CENPP: variants seen among roughly 807,000 people sequenced by gnomAD.
The protein encoded by CENPP is centromere protein P.
A neutral mutation model predicts 35.6 loss-of-function variants in CENPP; 24 were observed. The observed-to-expected ratio is 0.67, with a 90% CI of 0.49 to 0.95. The LOEUF is 0.95. Ranked by LOEUF, CENPP falls within the 40% of genes least tolerant of loss-of-function variation. CENPP has a pLI of 0.00. For synonymous variants in CENPP, 120 were observed against 125.5 expected (o/e 0.96, Z 0.29); for missense variants, 332 against 345.3 (o/e 0.96, Z 0.31).
chr9:92,451,110 AT>A (rs1437050427), intron 5 of CENPP, among the ~76,000 whole-genome samples: 3 of 148,306 alleles, frequency 2.0e-5, no homozygotes, highest in African/African-American at 7.5e-5. Flanking sequence ...ATTAGATCCC[AT>A]TTGTCAATTT....
intron 5 of CENPP, chr9:92,536,686 G>A (rs777040195): frequency 6.6e-6 from 1 of 152,114 alleles, no homozygotes; most frequent in Non-Finnish European, 1.5e-5. Flanking sequence ...AGGATTCCAA[G>A]CGCAACCCTG....
chr9:92,416,070 ATT>A (rs72121352), intron 5 of CENPP, among the ~76,000 whole-genome samples: 51,407 of 130,460 alleles, frequency 0.39, 11,748 homozygotes, highest in East Asian at 0.78. Flanking sequence ...ATATATATAT[ATT>A]TATTTATTTA....
At chr9:92,334,500 G>T (rs536063040) in intron 2 of CENPP, among the ~76,000 whole-genome samples, 89 of 152,230 alleles carry the variant, frequency 5.8e-4, no homozygotes, top group African/African-American at 2.1e-3. Context: ...ATGTAGATGG[G>T]CTTGATGTAT....
At chr9:92,431,865 G>A (rs1844117930) in intron 5 of CENPP, among the ~76,000 whole-genome samples, 1 of 152,104 alleles carries the variant, frequency 6.6e-6, no homozygotes, top group South Asian at 2.1e-4. Flanking sequence ...TAGCCACCAT[G>A]CCTGGCCTTT....
rs534185028 is a variant in CENPP at position 92,486,635 on chromosome 9, T to C, written c.564+106776T>C. On this transcript the variant is annotated intron_variant, in intron 5 of 7. Coordinates refer to ENST00000375587, the MANE Select transcript of CENPP (RefSeq NM_001012267.3). The stretch of plus-strand genomic sequence containing the variant: ...GCAGGGACTGGCTTCTGCTGTGTCA[T>C]GTGGCTGAGCTCACTCTGTCATCCT... 2.0e-5 allele frequency among the ~76,000 whole-genome samples: 3 copies of C among 152,344 alleles called. No individual in the cohort carries two copies. In the East Asian group the frequency reaches 5.8e-4, roughly 29 times the overall value.
intron 5 of CENPP, among the ~76,000 whole-genome samples, chr9:92,576,514 T>A (rs886404123): frequency 6.6e-6 from 1 of 152,200 alleles, no homozygotes; most frequent in Non-Finnish European, 1.5e-5. Context: ...GTTATCTGTA[T>A]TTTACAACAA....
At chr9:92,481,577 A>G (rs1337035531) in intron 5 of CENPP, among the ~76,000 whole-genome samples, 3 of 152,222 alleles carry the variant, frequency 2.0e-5, no homozygotes, top group African/African-American at 7.2e-5. Context: ...TTAATCTAAA[A>G]TTTAATCAGA....
chr9:92,470,744 A>G, intron 5 of CENPP: 1 of 1,598,214 alleles, frequency 6.3e-7, no homozygotes, highest in East Asian at 2.3e-5. Context: ...CAAGCATTCG[A>G]GTATCAAATG....
At chr9:92,550,009 C>T (rs1849554752) in intron 5 of CENPP, among the ~76,000 whole-genome samples, 3 of 152,210 alleles carry the variant, frequency 2.0e-5, no homozygotes. Context: ...AAAACAGACA[C>T]TGAATCTCTG....
chr9:92,506,076 T>C (rs912122891), intron 5 of CENPP, among the ~76,000 whole-genome samples: 3 of 152,132 alleles, frequency 2.0e-5, no homozygotes, highest in African/African-American at 7.2e-5. Context: ...AATAGAAAGT[T>C]GTGGACAGTC....
chr9:92,594,468 A>G (rs1482511730), intron 5 of CENPP, among the ~76,000 whole-genome samples: 2 of 152,212 alleles, frequency 1.3e-5, no homozygotes, highest in African/African-American at 4.8e-5. Context: ...TGCCTCATAA[A>G]GGTGTTATGA....
Position 92,619,895 on chromosome 9 carries a change from G to A in CENPP, c.*6746G>A, listed in dbSNP as rs1851572906. 2 of 352,264 alleles carry A rather than the reference G, an allele frequency of 5.7e-6. No homozygotes were observed. Among genetic ancestry groups the A allele is most frequent in the Non-Finnish European group, 1.1e-5 (2 of 183,514 alleles). The allele number at this position is 352,264 out of a possible 1,614,324, so 21.8% of individuals were successfully genotyped here. A position where few individuals can be genotyped will look rare whatever the true frequency, so the allele number is the denominator to read the frequency against. On this transcript the variant is annotated 3_prime_UTR_variant, in exon 8 of 8. Coordinates refer to ENST00000375587, the MANE Select transcript of CENPP (RefSeq NM_001012267.3). ...CAGTCGGCCTTTGGAAGGAAAAGCA[G>A]TAAGCCACCTGAGCCCCGCATGTTG...
At chr9:92,576,992 A>G (rs959428786) in intron 5 of CENPP, among the ~76,000 whole-genome samples, 18 of 152,252 alleles carry the variant, frequency 1.2e-4, no homozygotes, top group Non-Finnish European at 2.4e-4. Context: ...AATCATTATG[A>G]GATTCCATAG....
chr9:92,351,243 C>T (rs777845090), intron 4 of CENPP, among the ~76,000 whole-genome samples: 6 of 152,114 alleles, frequency 3.9e-5, no homozygotes, highest in Non-Finnish European at 8.8e-5. Flanking sequence ...ATAATCCCAG[C>T]ACTTTGGGAG....
chr9:92,391,141 A>T (rs1221569294), intron 5 of CENPP, among the ~76,000 whole-genome samples: 1 of 152,008 alleles, frequency 6.6e-6, no homozygotes, highest in Non-Finnish European at 1.5e-5. Flanking sequence ...TCACACCTGT[A>T]ATCCCAGCAC....
At chr9:92,470,100 A>T (rs1845456350) in intron 5 of CENPP, among the ~76,000 whole-genome samples, 1 of 152,184 alleles carries the variant, frequency 6.6e-6, no homozygotes, top group Admixed American at 6.5e-5. Context: ...AAGTGCTGGG[A>T]TTATAGGCAT....
intron 5 of CENPP, among the ~76,000 whole-genome samples, chr9:92,392,508 G>C (rs1842727095): frequency 6.6e-6 from 1 of 151,944 alleles, no homozygotes; most frequent in Non-Finnish European, 1.5e-5. Context: ...TCAGCTACGT[G>C]AGAGGCTGAG....
intron 5 of CENPP, among the ~76,000 whole-genome samples, chr9:92,487,204 A>T (rs1242816653): frequency 6.6e-6 from 1 of 152,248 alleles, no homozygotes; most frequent in Non-Finnish European, 1.5e-5. Flanking sequence ...AGCAGTGAGC[A>T]CATCTGGTTT....
At chr9:92,540,435 C>CAAA in intron 5 of CENPP, among the ~76,000 whole-genome samples, 1 of 117,686 alleles carries the variant, frequency 8.5e-6, no homozygotes, top group African/African-American at 2.9e-5. Flanking sequence ...GAGACTGTCT[C>CAAA]AAAAAAAAAA....
Sources: gnomAD v4.1 joint callset for allele counts (sites outside exome capture counted in the v4.1 genomes callset) on GRCh38, gnomAD v4.1.1 for gene constraint, MANE v1.5 for transcripts, NCBI Gene and HGNC (gene_info 2026-07-23, HGNC 2026-07-21) for gene names.